The following SYNE1 variants were observed in gnomAD, a reference collection of about 807,000 sequenced individuals.
SYNE1 encodes spectrin repeat containing nuclear envelope protein 1, also known as nesprin-1.
In SYNE1, 616 loss-of-function variants were observed where a neutral mutation model predicts 1,111.0. That is an observed-to-expected ratio of 0.55 (90% CI 0.52 to 0.59). The LOEUF (loss-of-function observed/expected upper bound fraction) is 0.59. SYNE1 is among the 20% of genes least tolerant of loss of function. SYNE1 has a pLI of 0.00. For missense variants in SYNE1, 10,006 were observed against 10,417.0 expected (o/e 0.96, Z 1.72); for synonymous variants, 3,855 against 3,825.8 (o/e 1.01, Z -0.28).
Position 152,455,914 on chromosome 6 carries a change from T to A in SYNE1, c.2699A>T (p.Gln900Leu). 6.2e-7 allele frequency: 1 copy of A among 1,614,128 alleles called. No individual in the cohort carries two copies. ...KHFDQTRLQR[Q>L]IADIHVAFQS... ...AAAAGCAACATGAATATCTGCAATC[T>A]GTCTTTGTAGCCTCGTCTGATCAAA... Residue 900 changes from glutamine (Q) to leucine (L), a missense_variant, in exon 23 of 146, where the codon CAG becomes CTG. Coordinates refer to ENST00000367255, the MANE Select transcript of SYNE1 (RefSeq NM_182961.4).
intron 3 of SYNE1, among the ~76,000 whole-genome samples, chr6:152,625,082 G>T (rs2128949437): frequency 6.6e-6 from 1 of 152,240 alleles, no homozygotes; most frequent in South Asian, 2.1e-4. Context: ...TTATGAATTT[G>T]AACTTTGAAA....
In SYNE1 at chr6:152,136,644, G is replaced by A. The variant is rs765426470; in HGVS notation, c.25633C>T (p.Leu8545=). The part of the protein sequence containing the change: ...CSLLEEWRGL[L]QDALMQCQGF... The stretch of plus-strand genomic sequence containing the variant: ...TGGCACTGCATCAGGGCATCCTGCA[G>A]CAGGCCCCGCCACTCCTCCAGCAGA... The change falls in exon 141 of 146, where the codon CTG becomes TTG. Residue 8545 remains leucine (L), a synonymous_variant. Transcript: ENST00000367255. 2.5e-6 allele frequency: 4 copies of A among 1,613,574 alleles called. No individual in the cohort carries two copies. The African/African-American group carries it at 4.0e-5, about 16-fold the overall frequency.
At position 152,367,259 on chromosome 6, in the gene SYNE1, A is replaced by G. The variant is rs2097098448; in HGVS notation, c.9931T>C (p.Ser3311Pro). The change falls in exon 62 of 146, where the codon TCC becomes CCC. Residue 3311 changes from serine (S) to proline (P), a missense_variant. This residue lies in a region of SYNE1 where 4,955 missense variants were observed against 5,017.2 expected (regional missense o/e 0.99). Transcript: ENST00000367255. ...HMLDSYCHPT[S>P]DKSVLDSRTL... ...CTGCTGTCCAGCACACTTTTGTCGG[A>G]TGTCGGGTGGCAGTATGAATCCAGC... 1.9e-6 allele frequency: 3 copies of G among 1,614,228 alleles called. No individual in the cohort carries two copies. The East Asian group carries it at 6.7e-5, about 36-fold the overall frequency.
chr6:152,373,080 T>G lies in SYNE1; in HGVS notation c.9464A>C (p.Lys3155Thr). Residue 3155 changes from lysine (K) to threonine (T), a missense_variant, in exon 59 of 146, where the codon AAA becomes ACA. Physicochemically the swap from Lys to Thr is moderately conservative, Grantham distance 78. Around this residue, in one of 7 missense-constraint regions of SYNE1, gnomAD observed 4,955 missense variants for 5,017.2 expected, o/e 0.99. Coordinates refer to ENST00000367255, the MANE Select transcript of SYNE1 (RefSeq NM_182961.4). ...TTGGTGGAGATTTGAATGAAAATTT[T>G]TCCAATCTTCTTTTGCAGCTGTAAC... ...AKVTAAKEDWKNFHSNLHQKE... is the reference protein window; with the variant it reads ...AKVTAAKEDWTNFHSNLHQKE... The G allele has an allele frequency of 6.2e-7, 1 of 1,614,198 alleles. No homozygotes were observed. Among genetic ancestry groups the G allele is most frequent in the Non-Finnish European group, 8.5e-7 (1 of 1,180,044 alleles).
rs773988690 is a variant in SYNE1 at position 152,419,668 on chromosome 6, C to T, written c.5322G>A (p.Leu1774=). Residue 1774 remains leucine, a synonymous_variant, in exon 40 of 146, where the codon CTG becomes CTA. Transcript: ENST00000367255. ...GTTTAATCCAGACAGAAAAGGAAAG[C>T]AGCAGCTCATCAAATTGCTGGTGTT... ...VAEHQQFDEL[L]LSFSVWIKLF... is the part of the protein sequence containing the mutation. 3.7e-6 allele frequency: 6 copies of T among 1,613,898 alleles called. No individual in the cohort carries two copies. In the African/African-American group the frequency reaches 4.0e-5, roughly 11 times the overall value.
intron 32 of SYNE1, among the ~76,000 whole-genome samples, chr6:152,439,619 C>T (rs1564026597): frequency 2.0e-5 from 3 of 152,118 alleles, no homozygotes; most frequent in African/African-American, 7.2e-5. Context: ...TCTTAGAAAA[C>T]TTCAAAATCC....
intron 92 of SYNE1, 147 bp downstream of exon 92, chr6:152,301,722 G>A: frequency 1.2e-6 from 1 of 856,246 alleles, no homozygotes. Context: ...CCCAACGGTA[G>A]TCAAAGAGAC....
chr6:152,391,249 G>A, intron 52 of SYNE1, 28 bp downstream of exon 52: 1 of 1,613,354 alleles, frequency 6.2e-7, no homozygotes, highest in Non-Finnish European at 8.5e-7. Flanking sequence ...TTCAGCAGTT[G>A]TCAGTGTCTG....
chr6:152,323,408 C>T, intron 82 of SYNE1, 70 bp downstream of exon 82: 4 of 1,592,990 alleles, frequency 2.5e-6, no homozygotes, highest in Non-Finnish European at 3.4e-6. Context: ...ATTTGCACTC[C>T]AGCCTGGGCG....
chr6:152,268,021 C>A (rs1380702006), intron 100 of SYNE1, 35 bp downstream of exon 100: 2 of 1,542,664 alleles, frequency 1.3e-6, no homozygotes, highest in African/African-American at 2.7e-5. Flanking sequence ...CAGGGAAACA[C>A]AATGAAGAGA....
At chr6:152,144,911 C>T (rs1428642346) in intron 137 of SYNE1, 3 of 164,764 alleles carry the variant, frequency 1.8e-5, no homozygotes, top group Non-Finnish European at 4.0e-5. Flanking sequence ...ATCTATGGCT[C>T]AGCATACCGT....
At chr6:152,133,167 C>T in intron 143 of SYNE1, 109 bp downstream of exon 143, 1 of 1,073,760 alleles carries the variant, frequency 9.3e-7, no homozygotes, top group South Asian at 1.3e-5. Flanking sequence ...AAAGGAGACA[C>T]TCCATTCTGA....
chr6:152,484,767 A>T, intron 13 of SYNE1, 68 bp downstream of exon 13: 2 of 1,551,726 alleles, frequency 1.3e-6, no homozygotes, highest in Non-Finnish European at 1.8e-6. Flanking sequence ...CTGTGTAGAA[A>T]TAGATGATGA....
At chr6:152,448,841 A>AAACCAAAC (rs1554720198) in intron 28 of SYNE1, among the ~76,000 whole-genome samples, 1 of 151,600 alleles carries the variant, frequency 6.6e-6, no homozygotes, top group East Asian at 2.0e-4. Flanking sequence ...CTTGTCTCAA[A>AAACCAAAC]AAACAAACAA....
At chr6:152,300,586 G>A in intron 93 of SYNE1, 55 bp downstream of exon 93, 1 of 1,611,050 alleles carries the variant, frequency 6.2e-7, no homozygotes, top group Non-Finnish European at 8.5e-7. Context: ...AACAGAGAAT[G>A]GAGTCCTGCA....
At position 152,395,521 on chromosome 6, in the gene SYNE1, A is replaced by G. The variant is rs1406014925; in HGVS notation, c.7707T>C (p.Ala2569=). The change falls in exon 51 of 146, where the codon GCT becomes GCC. Residue 2569 remains alanine, a synonymous_variant. Transcript: ENST00000367255. Reference sequence around the variant, plus strand: ...GTTCCATTTCTGGACCATACCTTGCAGCCAGCAGTTCTCCCAAAAACATTT... The same window carrying G: ...GTTCCATTTCTGGACCATACCTTGCGGCCAGCAGTTCTCCCAAAAACATTT... ...KVEMFLGELL[A]ARESLDKLSQ... 6.2e-7 allele frequency: 1 copy of G among 1,613,610 alleles called. No individual in the cohort carries two copies. Among genetic ancestry groups the G allele is most frequent in the Non-Finnish European group, 8.5e-7 (1 of 1,179,826 alleles).
Position 152,311,775 on chromosome 6 carries a change from A to ATTTT in SYNE1, c.16711-903_16711-902insAAAA, listed in dbSNP as rs762825816. 3.1e-4 allele frequency among the ~76,000 whole-genome samples: 43 copies of ATTTT among 139,356 alleles called. 2 individuals are homozygous for ATTTT. Among genetic ancestry groups the ATTTT allele is most frequent in the African/African-American group, 6.9e-4 (25 of 36,334 alleles). The allele number at this position is 139,356 out of a possible 152,430, so 91.4% of individuals were successfully genotyped here. On this transcript the variant is annotated intron_variant, in intron 87 of 145. Coordinates refer to ENST00000367255, the MANE Select transcript of SYNE1 (RefSeq NM_182961.4). The stretch of plus-strand genomic sequence containing the variant: ...GGATATTATTCTTAGGCAATAGACT[A>ATTTT]TTTATTTATTTCTTTTTTGAGACGG...
chr6:152,345,575 GA>G, intron 73 of SYNE1, among the ~76,000 whole-genome samples: 1 of 100,560 alleles, frequency 9.9e-6, no homozygotes, highest in Non-Finnish European at 2.4e-5. Context: ...CTTTGAAGGT[GA>G]ATTTTTTTTT....
rs138691290 is a variant in SYNE1, at chr6:152,430,165, T to C, written c.4735A>G (p.Ile1579Val). The change falls in exon 36 of 146, where the codon ATT (isoleucine) becomes GTT (valine). Residue 1579 changes from isoleucine (I) to valine (V), a missense_variant. Ile to Val is a conservative substitution (Grantham distance 29). Coordinates refer to ENST00000367255, the MANE Select transcript of SYNE1 (RefSeq NM_182961.4). ...TCTGTAGCTGAAGAACATATTTTAA[T>C]TGGAACAGCAAGTTTATCTTCAAAT... ...SEFEDKLAVPIKICSSATETY... is the reference protein window; with the variant it reads ...SEFEDKLAVPVKICSSATETY... 4.2e-5 allele frequency: 68 copies of C among 1,605,648 alleles called. No homozygotes were observed. Among genetic ancestry groups the C allele is most frequent in the Admixed American group, 1.2e-4 (7 of 59,658 alleles).
Sources: gnomAD v4.1 joint callset for allele counts (sites outside exome capture counted in the v4.1 genomes callset) on GRCh38, gnomAD v4.1.1 for gene constraint, gnomAD v4.1.1 regional missense constraint, MANE v1.5 for transcripts, NCBI Gene and HGNC (gene_info 2026-07-23, HGNC 2026-07-21) for gene names.